Variants in FBLN1 observed in about 807,000 individuals in gnomAD.
FBLN1 encodes fibulin 1.
Under a neutral mutation model 89.7 loss-of-function variants are expected in FBLN1, and 34 were observed. The ratio of observed to expected loss-of-function variants is 0.38; its 90% CI spans 0.29 to 0.50. The LOEUF (loss-of-function observed/expected upper bound fraction) is 0.50, where lower values mean the gene tolerates loss of function less well. Ranked by LOEUF, FBLN1 falls within the 20% of genes least tolerant of loss-of-function variation. The pLI is 0.92. For synonymous variants in FBLN1, 393 were observed against 391.3 expected, an observed-to-expected ratio of 1.00 and a Z score of -0.05; for missense variants, 777 against 988.1, an observed-to-expected ratio of 0.79 and a Z score of 2.86.
chr22:45,555,875 A>T (rs1286616623), intron 14 of FBLN1, among the ~76,000 whole-genome samples: 1 of 152,262 alleles, frequency 6.6e-6, no homozygotes, highest in South Asian at 2.1e-4. Context: ...AAAGTTAACG[A>T]TACTTAAATG....
At chr22:45,555,991 TG>T (rs2088783369) in intron 14 of FBLN1, among the ~76,000 whole-genome samples, 1 of 152,168 alleles carries the variant, frequency 6.6e-6, no homozygotes. Context: ...CATTTTTGAT[TG>T]TTTTTTGTTT....
Position 45,503,013 on chromosome 22 carries a change from G to T in FBLN1, c.28G>T (p.Val10Phe). The T allele has an allele frequency of 8.0e-7, 1 of 1,244,830 alleles. No individual in the cohort carries two copies. The highest frequency in any genetic ancestry group is 1.0e-6 in the Non-Finnish European group (1 of 995,924). The allele number at this position is 1,244,830 out of a possible 1,614,324, so 77.1% of individuals were successfully genotyped here. ...GGAGCGCGCCGCGCCGTCGCGCCGG[G>T]TCCCGCTTCCGCTGCTGCTGCTCGG... The part of the protein sequence containing the change: MERAAPSRR[V>F]PLPLLLLGGL... The change falls in exon 1 of 17, where the codon GTC becomes TTC. Residue 10 changes from valine (V) to phenylalanine (F), a missense_variant. By Grantham distance (50) the Val-to-Phe change is conservative. Transcript: ENST00000327858.
chr22:45,582,255 C>A (rs1344057958), intron 16 of FBLN1, among the ~76,000 whole-genome samples: 1 of 152,204 alleles, frequency 6.6e-6, no homozygotes, highest in Non-Finnish European at 1.5e-5. Context: ...TGGCATCTGT[C>A]AGCCGTGGTT....
chr22:45,541,232 T>G lies in FBLN1; in HGVS notation c.926T>G (p.Ile309Ser). 6.2e-7 allele frequency: 1 copy of G among 1,614,218 alleles called. No individual in the cohort carries two copies. Among genetic ancestry groups the G allele is most frequent in the Non-Finnish European group, 8.5e-7 (1 of 1,180,036 alleles). The change falls in exon 9 of 17, where the codon ATC (isoleucine) becomes AGC (serine). Residue 309 changes from isoleucine to serine, a missense_variant. Coordinates refer to ENST00000327858, the MANE Select transcript of FBLN1 (RefSeq NM_006486.3). ...TCTCTGTCTTTTCCCGCTGTAGATA[T>G]CAATGAGTGTTTGAGTATCAGTGCC... ...IQDALGNCID[I>S]NECLSISAPC...
rs367929911 is a variant in FBLN1 at position 45,547,132 on chromosome 22, G to T, written c.1369G>T (p.Val457Phe). Residue 457 changes from valine to phenylalanine, a missense_variant, in exon 12 of 17, where the codon GTC becomes TTC. Val to Phe is a conservative substitution (Grantham distance 50, BLOSUM62 -1). Transcript: ENST00000327858. ...SSPCSQECANVYGSYQCYCRR... is the reference protein window; with the variant it reads ...SSPCSQECANFYGSYQCYCRR... ...CCCCTGTAGCCAGGAGTGTGCCAAC[G>T]TCTACGGCTCCTACCAGTGTTACTG... The T allele has an allele frequency of 6.2e-7, 1 of 1,614,118 alleles. No individual in the cohort carries two copies. Among genetic ancestry groups the T allele is most frequent in the Non-Finnish European group, 8.5e-7 (1 of 1,180,024 alleles).
chr22:45,579,598 C>T lies in FBLN1; in HGVS notation c.1972+2490C>T, dbSNP rs1053079255. ...GCTGGGGAGGCCCCTGCCTCTTCCA[C>T]GCCTCGGTCTGTGTGCAGGATGCCC... On this transcript the variant is annotated intron_variant, in intron 16 of 16. Transcript: ENST00000327858. The surrounding 1 kb of genome is among the most constrained non-coding windows in gnomAD (Gnocchi z 5.5). Among the ~76,000 whole-genome samples, 5 of 152,200 alleles carry T rather than the reference C, an allele frequency of 3.3e-5. 1 individual carries two copies. The highest frequency in any genetic ancestry group is 1.3e-4 in the Admixed American group (2 of 15,290).
chr22:45,525,093 G>C (rs2088303126), intron 2 of FBLN1, among the ~76,000 whole-genome samples: 1 of 145,626 alleles, frequency 6.9e-6, no homozygotes, highest in Non-Finnish European at 1.5e-5. Flanking sequence ...AAGAGAGAAA[G>C]AGAGAAAGGG....
chr22:45,581,811 T>C lies in FBLN1; in HGVS notation c.1972+4703T>C, dbSNP rs1019346226. 1.3e-5 allele frequency among the ~76,000 whole-genome samples: 2 copies of C among 151,880 alleles called. No individual in the cohort carries two copies. The highest frequency in any genetic ancestry group is 2.4e-5 in the African/African-American group (1 of 41,344). ...CACAGCCACGTCTGTGGCTGGCCCA[T>C]GAACAGCGCGATGAGAGGCAGGGAG... is the stretch of plus-strand genomic sequence containing the variant. On this transcript the variant is annotated intron_variant, in intron 16 of 16. Coordinates refer to ENST00000327858, the MANE Select transcript of FBLN1 (RefSeq NM_006486.3). The surrounding 1 kb of genome is among the most constrained non-coding windows in gnomAD (Gnocchi z 7.6).
intron 9 of FBLN1, among the ~76,000 whole-genome samples, 191 bp downstream of exon 9, chr22:45,541,563 C>G (rs949041064): frequency 1.3e-5 from 2 of 152,212 alleles, no homozygotes; most frequent in African/African-American, 4.8e-5. Flanking sequence ...CGTCTACTGC[C>G]TCAGCCTTGT....
intron 11 of FBLN1, among the ~76,000 whole-genome samples, chr22:45,544,493 G>A (rs1007367785): frequency 2.0e-5 from 3 of 152,188 alleles, no homozygotes; most frequent in Non-Finnish European, 4.4e-5. Flanking sequence ...CCCAGCCCTT[G>A]AGAAAGACAC....
At chr22:45,585,249 G>T (rs549164592) in intron 16 of FBLN1, among the ~76,000 whole-genome samples, 2 of 152,178 alleles carry the variant, frequency 1.3e-5, no homozygotes, top group Non-Finnish European at 2.9e-5. Flanking sequence ...CAGCAGCCCC[G>T]GTACAAGGGC....
chr22:45,554,340 G>T (rs753434379), intron 14 of FBLN1, among the ~76,000 whole-genome samples: 6 of 152,316 alleles, frequency 3.9e-5, no homozygotes, highest in Non-Finnish European at 8.8e-5. Flanking sequence ...CTCTCAGATC[G>T]CCTGGAGCAC....
intron 1 of FBLN1, among the ~76,000 whole-genome samples, chr22:45,514,242 T>C (rs2088139866): frequency 1.3e-5 from 2 of 152,214 alleles, no homozygotes; most frequent in African/African-American, 4.8e-5. Context: ...AAGAGGTCGG[T>C]GCCCTTGTTT....
In FBLN1 at chr22:45,518,706, C is replaced by T; in HGVS notation, c.104C>T (p.Ala35Val). Reference protein sequence around the residue: ...AGVDADVLLEACCADGHRMAT... With the variant: ...AGVDADVLLEVCCADGHRMAT... ...GTGGACGCGGATGTCCTCCTGGAGG[C>T]CTGCTGTGCGGACGGACACCGGATG... is the stretch of plus-strand genomic sequence containing the variant. Residue 35 changes from alanine (A) to valine (V), a missense_variant, in exon 2 of 17, where the codon GCC (alanine) becomes GTC (valine). By Grantham distance (64) the Ala-to-Val change is moderately conservative. Transcript: ENST00000327858. The T allele has an allele frequency of 6.2e-7, 1 of 1,610,130 alleles. No individual in the cohort carries two copies. The highest frequency in any genetic ancestry group is 8.5e-7 in the Non-Finnish European group (1 of 1,178,406).
rs1470655205 is a variant in FBLN1, at chr22:45,574,996, A to C, written c.1840+343A>C. Among the ~76,000 whole-genome samples the C allele has an allele frequency of 6.6e-6, 1 of 151,814 alleles. No individual in the cohort carries two copies. Among genetic ancestry groups the C allele is most frequent in the East Asian group, 1.9e-4 (1 of 5,148 alleles). On this transcript the variant is annotated intron_variant, in intron 15 of 16. Transcript: ENST00000327858. This position sits in a 1 kb window ranked among gnomAD's most constrained non-coding sequence, Gnocchi z 4.1. The stretch of plus-strand genomic sequence containing the variant: ...ACGGGGTTTCACCGTGTTCGCCAGG[A>C]TGGTCTCAATCTCCTGACCTCATGA...
intron 14 of FBLN1, among the ~76,000 whole-genome samples, chr22:45,555,564 G>A (rs2088778293): frequency 6.6e-6 from 1 of 152,074 alleles, no homozygotes. Context: ...ATTAGTTGGT[G>A]CCCACCCAGA....
intron 11 of FBLN1, 60 bp downstream of exon 11, chr22:45,543,586 C>A: frequency 6.3e-7 from 1 of 1,591,804 alleles, no homozygotes; most frequent in Non-Finnish European, 8.5e-7. Flanking sequence ...GGGGAAGCCA[C>A]CCTTCTGCAG....
intron 10 of FBLN1, 114 bp downstream of exon 10, chr22:45,542,397 G>A: frequency 7.2e-7 from 1 of 1,396,142 alleles, no homozygotes; most frequent in East Asian, 2.3e-5. Context: ...AATCCCAAGT[G>A]CAGGCAGACC....
intron 2 of FBLN1, among the ~76,000 whole-genome samples, chr22:45,523,356 C>T (rs1158812533): frequency 6.6e-6 from 1 of 152,134 alleles, no homozygotes; most frequent in East Asian, 1.9e-4. Flanking sequence ...CAGCTGGACA[C>T]CCTGAGGTGC....
Sources: gnomAD v4.1 joint callset for allele counts (sites outside exome capture counted in the v4.1 genomes callset) on GRCh38, gnomAD v4.1.1 for gene constraint, Gnocchi (gnomAD v3.1) non-coding constraint, MANE v1.5 for transcripts, NCBI Gene and HGNC (gene_info 2026-07-23, HGNC 2026-07-21) for gene names.